The following VAV3 variants were observed in gnomAD, a reference collection of about 807,000 sequenced individuals.
VAV3 encodes the protein vav guanine nucleotide exchange factor 3.
Under a neutral mutation model 131.2 loss-of-function variants are expected in VAV3, and 94 were observed. That is an observed-to-expected ratio of 0.72 (90% CI 0.61 to 0.85). The LOEUF is 0.85. Ranked by LOEUF, VAV3 falls within the 40% of genes least tolerant of loss-of-function variation. VAV3 has a pLI of 0.00. For synonymous variants in VAV3, 349 were observed against 342.0 expected, an observed-to-expected ratio of 1.02 and a Z score of -0.22; for missense variants, 939 against 1,002.7, an observed-to-expected ratio of 0.94 and a Z score of 0.86.
intron 1 of VAV3, among the ~76,000 whole-genome samples, chr1:107,941,415 A>C (rs1024218587): frequency 1.3e-5 from 2 of 152,158 alleles, no homozygotes; most frequent in African/African-American, 4.8e-5. Flanking sequence ...CTGCTTCCTG[A>C]GGAAGGTCAT....
intron 19 of VAV3, among the ~76,000 whole-genome samples, chr1:107,672,925 A>T (rs927412182): frequency 6.6e-6 from 1 of 152,206 alleles, no homozygotes; most frequent in Non-Finnish European, 1.5e-5. Context: ...TACCCCAATA[A>T]TATGTGGGGA....
intron 2 of VAV3, among the ~76,000 whole-genome samples, chr1:107,830,650 C>T (rs1295712270): frequency 6.6e-6 from 1 of 152,038 alleles, no homozygotes; most frequent in African/African-American, 2.4e-5. Context: ...CTGCCTGTCA[C>T]ACCCTTCCAA....
Position 107,833,226 on chromosome 1 carries a change from A to C in VAV3, c.321+41675T>G, listed in dbSNP as rs796778165. ...TCCAGTAAATACACAAATGATAAGA[A>C]AGTGAAACAGCTTTATTACTGACAC... On this transcript the variant is annotated intron_variant, in intron 2 of 26. Coordinates refer to ENST00000370056, the MANE Select transcript of VAV3 (RefSeq NM_006113.5). 2.5e-4 allele frequency among the ~76,000 whole-genome samples: 38 copies of C among 152,350 alleles called. 1 individual carries two copies. Among genetic ancestry groups the C allele is most frequent in the African/African-American group, 8.4e-4 (35 of 41,584 alleles).
At chr1:107,658,184 T>G (rs189221572) in intron 19 of VAV3, among the ~76,000 whole-genome samples, 1 of 152,072 alleles carries the variant, frequency 6.6e-6, no homozygotes, top group African/African-American at 2.4e-5. Flanking sequence ...GGCCTATGAG[T>G]GAGAACATGC....
rs758670517 is a variant in VAV3 at position 107,574,030 on chromosome 1, C to A, written c.2502+17G>T. The A allele has an allele frequency of 1.2e-6, 2 of 1,612,332 alleles. No individual in the cohort carries two copies. Among genetic ancestry groups the A allele is most frequent in the Non-Finnish European group, 1.7e-6 (2 of 1,179,204 alleles). On this transcript the variant is annotated intron_variant, in intron 26 of 26. Transcript: ENST00000370056. ...CCTTCTTTCACATGCACCAGCACAT[C>A]GAGAGGGCCAACTTACCCTGCCATT... is the stretch of plus-strand genomic sequence containing the variant.
chr1:107,652,193 A>C (rs1181340252), intron 19 of VAV3, among the ~76,000 whole-genome samples: 2 of 152,158 alleles, frequency 1.3e-5, no homozygotes, highest in Non-Finnish European at 2.9e-5. Context: ...ACCAAAACCA[A>C]GATGGCCACG....
intron 20 of VAV3, among the ~76,000 whole-genome samples, chr1:107,624,549 G>A (rs1192513782): frequency 6.6e-6 from 1 of 152,032 alleles, no homozygotes; most frequent in Non-Finnish European, 1.5e-5. Flanking sequence ...ACCATATCTT[G>A]GTGAGAAGCC....
intron 19 of VAV3, among the ~76,000 whole-genome samples, chr1:107,682,927 T>TAATG (rs1190335227): frequency 6.6e-6 from 1 of 152,138 alleles, no homozygotes; most frequent in Non-Finnish European, 1.5e-5. Flanking sequence ...TATACTAACA[T>TAATG]AATGACAGGG....
At chr1:107,825,410 C>T (rs1247741513) in intron 2 of VAV3, among the ~76,000 whole-genome samples, 1 of 151,870 alleles carries the variant, frequency 6.6e-6, no homozygotes, top group Admixed American at 6.6e-5. Context: ...TATATGATTA[C>T]CCTTTACCAA....
intron 22 of VAV3, among the ~76,000 whole-genome samples, chr1:107,609,194 ATATTAGT>A (rs1288484214): frequency 1.3e-5 from 2 of 152,240 alleles, no homozygotes; most frequent in East Asian, 3.8e-4. Context: ...TACTCAGTAT[ATATTAGT>A]TATTATGACA....
intron 2 of VAV3, among the ~76,000 whole-genome samples, chr1:107,872,618 T>C (rs1465595786): frequency 6.6e-6 from 1 of 152,174 alleles, no homozygotes; most frequent in Non-Finnish European, 1.5e-5. Context: ...AGCTAGGACC[T>C]ATAAATGGGA....
chr1:107,571,785 G>C lies in VAV3; in HGVS notation c.*1546C>G, dbSNP rs1020758011. The C allele has an allele frequency of 6.6e-6, 1 of 152,606 alleles. No homozygotes were observed. The highest frequency in any genetic ancestry group is 1.5e-5 in the Non-Finnish European group (1 of 68,036). The allele number at this position is 152,606 out of a possible 1,614,324, so 9.5% of individuals were successfully genotyped here. The stretch of plus-strand genomic sequence containing the variant: ...ACAGTTTACATAATTCTGAGGTAAA[G>C]GTCTTGAATCTATCCTAGATGAAAA... On this transcript the variant is annotated 3_prime_UTR_variant, in exon 27 of 27. Transcript: ENST00000370056.
intron 19 of VAV3, chr1:107,677,857 G>C (rs1658318032): frequency 6.6e-6 from 1 of 152,056 alleles, no homozygotes; most frequent in African/African-American, 2.4e-5. Flanking sequence ...CAGTATAAAA[G>C]ACAGGCTTGG....
intron 2 of VAV3, among the ~76,000 whole-genome samples, chr1:107,801,130 T>C (rs1318754840): frequency 6.6e-6 from 1 of 152,284 alleles, no homozygotes; most frequent in African/African-American, 2.4e-5. Flanking sequence ...TGGCTGTAAA[T>C]GTGTAGGCTT....
intron 1 of VAV3, among the ~76,000 whole-genome samples, chr1:107,896,162 C>T (rs1671561652): frequency 6.6e-6 from 1 of 152,176 alleles, no homozygotes; most frequent in Non-Finnish European, 1.5e-5. Flanking sequence ...AACCATGGAG[C>T]CATTTCTGTA....
At chr1:107,662,143 A>C (rs1428080329) in intron 19 of VAV3, among the ~76,000 whole-genome samples, 2 of 152,190 alleles carry the variant, frequency 1.3e-5, no homozygotes, top group Non-Finnish European at 2.9e-5. Context: ...TAAAAAATGA[A>C]TTGCTATGAT....
intron 6 of VAV3, among the ~76,000 whole-genome samples, chr1:107,769,823 T>C (rs1413826625): frequency 6.6e-6 from 1 of 152,192 alleles, no homozygotes. Flanking sequence ...TCACATCCTT[T>C]ACTTAATTCA....
At chr1:107,732,408 C>T (rs976326077) in intron 15 of VAV3, among the ~76,000 whole-genome samples, 5 of 152,210 alleles carry the variant, frequency 3.3e-5, no homozygotes, top group African/African-American at 1.2e-4. Context: ...CTGGGCAGGG[C>T]ATCGCCTCAC....
intron 2 of VAV3, 120 bp downstream of exon 2, chr1:107,874,781 T>C: frequency 2.4e-6 from 2 of 817,612 alleles, no homozygotes; most frequent in South Asian, 2.0e-5. Context: ...ACATGTGAAA[T>C]TTAACTATAT....
Sources: gnomAD v4.1 joint callset for allele counts (sites outside exome capture counted in the v4.1 genomes callset) on GRCh38, gnomAD v4.1.1 for gene constraint, MANE v1.5 for transcripts, NCBI Gene and HGNC (gene_info 2026-07-23, HGNC 2026-07-21) for gene names.